The following PDE3A variants were observed in gnomAD, a reference collection of about 807,000 sequenced individuals.
PDE3A encodes the protein cGMP-inhibited 3',5'-cyclic phosphodiesterase 3A.
In PDE3A, 43 loss-of-function variants were observed where a neutral mutation model predicts 98.3. The observed-to-expected ratio is 0.44, with a 90% CI of 0.34 to 0.56. The LOEUF (loss-of-function observed/expected upper bound fraction) is 0.56, where lower values mean the gene tolerates loss of function less well. Ranked by LOEUF, PDE3A falls within the 20% of genes least tolerant of loss-of-function variation. The pLI, the probability that PDE3A is intolerant of heterozygous loss-of-function variation, is 0.01. For missense variants in PDE3A, 1,427 were observed against 1,440.7 expected (o/e 0.99, Z 0.15); for synonymous variants, 663 against 567.9 (o/e 1.17, Z -2.38).
At chr12:20,401,447 T>G (rs1944128989) in intron 1 of PDE3A, among the ~76,000 whole-genome samples, 1 of 144,440 alleles carries the variant, frequency 6.9e-6, no homozygotes, top group Non-Finnish European at 1.6e-5. Context: ...CATTCAGTCA[T>G]TTTAAACTGC....
intron 1 of PDE3A, among the ~76,000 whole-genome samples, chr12:20,550,785 T>G (rs1942178964): frequency 6.6e-6 from 1 of 152,156 alleles, no homozygotes; most frequent in South Asian, 2.1e-4. Flanking sequence ...CCTATTATAC[T>G]GTGAACATTT....
intron 2 of PDE3A, among the ~76,000 whole-genome samples, chr12:20,574,254 CA>C (rs1942874834): frequency 2.0e-5 from 3 of 152,018 alleles, no homozygotes; most frequent in African/African-American, 7.2e-5. Flanking sequence ...TCTGTGAAAG[CA>C]AAAGGTTATA....
At chr12:20,371,376 G>C (rs990910606) in intron 1 of PDE3A, 1 of 984,904 alleles carries the variant, frequency 1.0e-6, no homozygotes, top group African/African-American at 1.7e-5. Context: ...GAGCTGGTTG[G>C]ATACAGCAAG....
chr12:20,643,569 T>C (rs1424285419), intron 10 of PDE3A, among the ~76,000 whole-genome samples: 1 of 152,194 alleles, frequency 6.6e-6, no homozygotes, highest in African/African-American at 2.4e-5. Context: ...CTCCTACACA[T>C]ACACACATAT....
At chr12:20,426,065 G>T (rs916986661) in intron 1 of PDE3A, among the ~76,000 whole-genome samples, 14 of 152,146 alleles carry the variant, frequency 9.2e-5, no homozygotes, top group African/African-American at 3.4e-4. Context: ...AAATACAGAG[G>T]TATGTATTTG....
At chr12:20,538,883 C>T (rs141180945) in intron 1 of PDE3A, among the ~76,000 whole-genome samples, 9 of 152,012 alleles carry the variant, frequency 5.9e-5, no homozygotes, top group Admixed American at 3.9e-4. Context: ...TGGACTCAAG[C>T]GATCCTCTGG....
intron 1 of PDE3A, among the ~76,000 whole-genome samples, chr12:20,400,379 GTTTTTTTTTTTTTTTTTTTT>G (rs75851941): frequency 8.9e-4 from 98 of 110,202 alleles, no homozygotes; most frequent in African/African-American, 1.3e-3. Context: ...GTTAACATTG[GTTTTTTTTTTTTTTTTTTTT>G]TTTTTTTTTT....
intron 1 of PDE3A, among the ~76,000 whole-genome samples, chr12:20,488,636 C>T (rs944442039): frequency 1.3e-4 from 20 of 152,028 alleles, no homozygotes; most frequent in Admixed American, 3.3e-4. Flanking sequence ...AGTTCAAGCC[C>T]GGGCTGAGTG....
chr12:20,447,131 G>A (rs565359860), intron 1 of PDE3A, among the ~76,000 whole-genome samples: 1 of 152,346 alleles, frequency 6.6e-6, no homozygotes, highest in South Asian at 2.1e-4. Context: ...GATGGGCAAA[G>A]GAGGCAGCAT....
chr12:20,533,478 C>CTTTTTTTTTTTTTT (rs10707682), intron 1 of PDE3A, among the ~76,000 whole-genome samples: 1 of 124,646 alleles, frequency 8.0e-6, no homozygotes. Context: ...GTTTCTTTTT[C>CTTTTTTTTTTTTTT]TTTTTTTTTT....
intron 1 of PDE3A, among the ~76,000 whole-genome samples, chr12:20,410,278 G>C (rs142785003): frequency 5.1e-4 from 78 of 152,268 alleles, no homozygotes; most frequent in African/African-American, 1.9e-3. Flanking sequence ...TCAATTGTAC[G>C]TCCCCAAGCT....
At chr12:20,573,240 T>A (rs2121317222) in intron 2 of PDE3A, among the ~76,000 whole-genome samples, 1 of 152,218 alleles carries the variant, frequency 6.6e-6, no homozygotes, top group Non-Finnish European at 1.5e-5. Context: ...TGCTAAGTAC[T>A]TTTTTCACAG....
At chr12:20,534,225 G>A (rs1476161236) in intron 1 of PDE3A, among the ~76,000 whole-genome samples, 1 of 152,192 alleles carries the variant, frequency 6.6e-6, no homozygotes. Context: ...CCAAGGTGGA[G>A]ACTCATTCAG....
chr12:20,389,269 G>A (rs1023285139), intron 1 of PDE3A, among the ~76,000 whole-genome samples: 7 of 151,912 alleles, frequency 4.6e-5, no homozygotes, highest in Non-Finnish European at 8.8e-5. Flanking sequence ...ACTGAAGTTA[G>A]CATTTGGGTA....
At chr12:20,638,268 A>G (rs1323056216) in intron 9 of PDE3A, among the ~76,000 whole-genome samples, 3 of 152,202 alleles carry the variant, frequency 2.0e-5, no homozygotes, top group African/African-American at 2.4e-5. Flanking sequence ...GGGAAAAGAT[A>G]GCAGGCCTTT....
intron 1 of PDE3A, among the ~76,000 whole-genome samples, chr12:20,511,797 T>C (rs919885938): frequency 3.9e-5 from 6 of 152,016 alleles, no homozygotes; most frequent in Non-Finnish European, 7.4e-5. Flanking sequence ...AGAGACTGCA[T>C]TGGAGAAACC....
chr12:20,575,288 A>T (rs1203234286), intron 2 of PDE3A, among the ~76,000 whole-genome samples: 2 of 152,024 alleles, frequency 1.3e-5, no homozygotes, highest in African/African-American at 4.8e-5. Flanking sequence ...TACTTAAGTA[A>T]ATTTCAGCTT....
intron 1 of PDE3A, among the ~76,000 whole-genome samples, chr12:20,498,111 A>G (rs1041027968): frequency 6.6e-6 from 1 of 152,176 alleles, no homozygotes; most frequent in Non-Finnish European, 1.5e-5. Flanking sequence ...TCATTTTTCC[A>G]TTTATCCATA....
intron 2 of PDE3A, among the ~76,000 whole-genome samples, chr12:20,604,556 A>C (rs1389621648): frequency 6.6e-6 from 1 of 152,194 alleles, no homozygotes; most frequent in African/African-American, 2.4e-5. Context: ...ATGTTAATGA[A>C]TAGCTTTAAC....
Sources: gnomAD v4.1 joint callset for allele counts (sites outside exome capture counted in the v4.1 genomes callset) on GRCh38, gnomAD v4.1.1 for gene constraint, MANE v1.5 for transcripts, NCBI Gene and HGNC (gene_info 2026-07-23, HGNC 2026-07-21) for gene names.